Variants in PCDH7 observed in about 807,000 individuals in gnomAD.
PCDH7 encodes protocadherin 7.
Under a neutral mutation model 58.9 loss-of-function variants are expected in PCDH7, and 17 were observed. The observed-to-expected ratio is 0.29, with a 90% confidence interval of 0.20 to 0.43. The LOEUF is 0.43. PCDH7 is among the 20% of genes least tolerant of loss of function. PCDH7 has a pLI of 1.00. For synonymous variants in PCDH7, 664 were observed against 616.4 expected (o/e 1.08, Z -1.14); for missense variants, 1,274 against 1,441.0 (o/e 0.88, Z 1.88).
At chr4:31,136,880 CA>C (rs1349539806) in intron 3 of PCDH7, among the ~76,000 whole-genome samples, 3 of 147,834 alleles carry the variant, frequency 2.0e-5, no homozygotes, top group Non-Finnish European at 4.4e-5. Flanking sequence ...AATAATCATC[CA>C]AAAAAAAGTT....
chr4:30,782,894 A>AG (rs2109290891), intron 1 of PCDH7, among the ~76,000 whole-genome samples: 1 of 152,296 alleles, frequency 6.6e-6, no homozygotes, highest in Admixed American at 6.5e-5. Context: ...ACCTGCTTCA[A>AG]GGGAGAAGGG....
At chr4:30,829,543 T>C (rs946882736) in intron 1 of PCDH7, among the ~76,000 whole-genome samples, 1 of 152,042 alleles carries the variant, frequency 6.6e-6, no homozygotes, top group Admixed American at 6.6e-5. Context: ...GGTATCAGTA[T>C]ATCAGTATTT....
rs540785983 is a variant in PCDH7, at chr4:30,741,456, A to G, written c.70+16860A>G. ...CCATCTGCCCGCCTTGGCCTCCCAT[A>G]GTGCTGGTGTTACAGGCGTGAGCCA... On this transcript the variant is annotated intron_variant, in intron 1 of 3. Transcript: ENST00000509759. Among the ~76,000 whole-genome samples, 3 of 152,232 alleles carry G rather than the reference A, an allele frequency of 2.0e-5. No individual in the cohort carries two copies. In the East Asian group the frequency reaches 5.8e-4, roughly 29 times the overall value.
chr4:30,883,884 C>T (rs1737328430), intron 1 of PCDH7, among the ~76,000 whole-genome samples: 1 of 152,160 alleles, frequency 6.6e-6, no homozygotes, highest in Non-Finnish European at 1.5e-5. Context: ...TGTGGGAAAA[C>T]ACTTCTTGTG....
At chr4:30,859,697 C>T (rs1035645993) in intron 1 of PCDH7, among the ~76,000 whole-genome samples, 7 of 152,004 alleles carry the variant, frequency 4.6e-5, no homozygotes, top group East Asian at 1.9e-4. Context: ...GCCTCGACCC[C>T]GCAAAGTGCT....
chr4:30,762,033 A>G (rs1228426226), intron 1 of PCDH7, among the ~76,000 whole-genome samples: 1 of 152,158 alleles, frequency 6.6e-6, no homozygotes, highest in African/African-American at 2.4e-5. Flanking sequence ...CTTATACATG[A>G]TCAAGGCCAT....
chr4:31,024,991 C>T (rs1754314978), intron 3 of PCDH7, among the ~76,000 whole-genome samples: 2 of 152,230 alleles, frequency 1.3e-5, no homozygotes, highest in Admixed American at 1.3e-4. Context: ...GACCCACCCG[C>T]CTCGGCCTCC....
intron 3 of PCDH7, among the ~76,000 whole-genome samples, chr4:31,125,970 A>G (rs965268912): frequency 6.6e-6 from 1 of 152,170 alleles, no homozygotes; most frequent in Non-Finnish European, 1.5e-5. Flanking sequence ...CAGGTCTGGC[A>G]TCAGACTACT....
intron 3 of PCDH7, among the ~76,000 whole-genome samples, chr4:31,084,785 C>CGGGGGG (rs1173377883): frequency 6.5e-5 from 1 of 15,386 alleles, no homozygotes; most frequent in Admixed American, 9.2e-4. Flanking sequence ...GGGGAGGGGA[C>CGGGGGG]GGGGGGAGGG....
intron 1 of PCDH7, among the ~76,000 whole-genome samples, chr4:30,916,150 G>T (rs1434721131): frequency 1.3e-5 from 2 of 152,176 alleles, no homozygotes; most frequent in Non-Finnish European, 1.5e-5. Flanking sequence ...GTGAATTAAT[G>T]ACTCAATCCA....
At chr4:31,100,590 T>C (rs1224285779) in intron 3 of PCDH7, among the ~76,000 whole-genome samples, 1 of 152,194 alleles carries the variant, frequency 6.6e-6, no homozygotes, top group Non-Finnish European at 1.5e-5. Flanking sequence ...AGGAACAATC[T>C]GGTTTTACCT....
At position 30,723,039 on chromosome 4, in the gene PCDH7, G is replaced by A. The variant is rs1373108116; in HGVS notation, c.1617G>A (p.Val539=). The A allele has an allele frequency of 1.2e-6, 2 of 1,613,920 alleles. No individual in the cohort carries two copies. Among genetic ancestry groups the A allele is most frequent in the Admixed American group, 3.3e-5 (2 of 60,026 alleles). Residue 539 remains valine, a synonymous_variant, in exon 1 of 2, where the codon GTG becomes GTA. Coordinates refer to ENST00000361762, the Ensembl canonical transcript of PCDH7. The surrounding 1 kb of genome is among the most constrained non-coding windows in gnomAD (Gnocchi z 4.6). Reference sequence around the variant, plus strand: ...ACCCGCCCATGTTCGGCCAGTCGGTGGTGGAGGTTTACTTCCCTGAGAACA... The same window carrying A: ...ACCCGCCCATGTTCGGCCAGTCGGTAGTGGAGGTTTACTTCCCTGAGAACA...
intron 3 of PCDH7, among the ~76,000 whole-genome samples, chr4:31,134,027 A>G (rs1021611667): frequency 6.6e-6 from 1 of 152,212 alleles, no homozygotes; most frequent in African/African-American, 2.4e-5. Flanking sequence ...TTAAAGGACC[A>G]GAATTTCTAA....
intron 3 of PCDH7, among the ~76,000 whole-genome samples, chr4:31,082,752 A>G (rs963593624): frequency 1.4e-5 from 2 of 147,854 alleles, no homozygotes; most frequent in African/African-American, 4.9e-5. Context: ...ACAGAGTGAT[A>G]TAATGGACTT....
At chr4:31,055,802 C>A (rs1381950839) in intron 3 of PCDH7, among the ~76,000 whole-genome samples, 1 of 151,920 alleles carries the variant, frequency 6.6e-6, no homozygotes, top group East Asian at 1.9e-4. Flanking sequence ...GCCTTGAACT[C>A]CTGACCTCAA....
intron 1 of PCDH7, among the ~76,000 whole-genome samples, chr4:30,851,667 C>T (rs950223694): frequency 9.9e-5 from 15 of 151,980 alleles, no homozygotes; most frequent in African/African-American, 3.1e-4. Flanking sequence ...CATTAATAGA[C>T]CTCTTATTCT....
intron 1 of PCDH7, among the ~76,000 whole-genome samples, chr4:30,909,679 A>C (rs991805186): frequency 6.6e-6 from 1 of 152,208 alleles, no homozygotes; most frequent in Non-Finnish European, 1.5e-5. Context: ...ATAAGAGAGG[A>C]CACAAACAGA....
intron 2 of PCDH7, among the ~76,000 whole-genome samples, chr4:30,943,305 A>G (rs186251402): frequency 1.2e-4 from 18 of 152,140 alleles, no homozygotes; most frequent in African/African-American, 3.6e-4. Context: ...AAATCAATAT[A>G]TTACTGGTGT....
At chr4:31,039,931 A>G (rs1192944851) in intron 3 of PCDH7, among the ~76,000 whole-genome samples, 2 of 152,172 alleles carry the variant, frequency 1.3e-5, no homozygotes, top group Admixed American at 1.3e-4. Flanking sequence ...TTCTCCCCTC[A>G]TGTAGAATCT....
Sources: gnomAD v4.1 joint callset for allele counts (sites outside exome capture counted in the v4.1 genomes callset) on GRCh38, gnomAD v4.1.1 for gene constraint, Gnocchi (gnomAD v3.1) non-coding constraint, MANE v1.5 for transcripts, NCBI Gene and HGNC (gene_info 2026-07-23, HGNC 2026-07-21) for gene names.